PLCB4: variants seen among roughly 807,000 people sequenced by gnomAD.
PLCB4 encodes the protein 1-phosphatidylinositol 4,5-bisphosphate phosphodiesterase beta-4.
PLCB4 carries 77 observed loss-of-function variants against 178.8 expected under a neutral mutation model. The ratio of observed to expected loss-of-function variants is 0.43; its 90% CI spans 0.36 to 0.52. The LOEUF (loss-of-function observed/expected upper bound fraction) is 0.52. Ranked by LOEUF, PLCB4 falls within the 20% of genes least tolerant of loss-of-function variation. PLCB4 has a pLI of 0.00. For missense variants in PLCB4, 1,024 were observed against 1,453.4 expected, an observed-to-expected ratio of 0.70 and a Z score of 4.80; for synonymous variants, 496 against 490.8, an observed-to-expected ratio of 1.01 and a Z score of -0.14.
chr20:9,410,948 C>A (rs2039813599), intron 24 of PLCB4, 89 bp from the exon 25 acceptor site: 10 of 870,362 alleles, frequency 1.1e-5, no homozygotes, highest in Non-Finnish European at 1.7e-5. Flanking sequence ...GGCCTAGGAG[C>A]AATCTGATAC....
intron 36 of PLCB4, among the ~76,000 whole-genome samples, chr20:9,472,477 G>T (rs1278470304): frequency 1.3e-5 from 2 of 152,154 alleles, no homozygotes; most frequent in Admixed American, 6.5e-5. Flanking sequence ...TGGGGAGAGA[G>T]GAATAAGGAA....
intron 4 of PLCB4, among the ~76,000 whole-genome samples, chr20:9,329,395 A>G (rs1325434668): frequency 6.6e-6 from 1 of 152,174 alleles, no homozygotes; most frequent in Non-Finnish European, 1.5e-5. Flanking sequence ...TACCTCCCTC[A>G]TAGGAATGTT....
At chr20:9,295,474 A>G (rs2094623317) in intron 3 of PLCB4, among the ~76,000 whole-genome samples, 1 of 152,162 alleles carries the variant, frequency 6.6e-6, no homozygotes. Flanking sequence ...AGGGCTGATG[A>G]TAACTCTGTT....
intron 3 of PLCB4, among the ~76,000 whole-genome samples, chr20:9,281,496 A>G (rs1000899372): frequency 3.9e-5 from 6 of 152,040 alleles, no homozygotes; most frequent in Non-Finnish European, 1.5e-5. Flanking sequence ...TGATGGAATG[A>G]AAACACTCCA....
chr20:9,286,083 C>T (rs1431480771), intron 3 of PLCB4, among the ~76,000 whole-genome samples: 1 of 151,926 alleles, frequency 6.6e-6, no homozygotes, highest in African/African-American at 2.4e-5. Flanking sequence ...ACATGGAGTG[C>T]ACTTTACCAT....
chr20:9,224,940 T>G (rs927436093), intron 3 of PLCB4, among the ~76,000 whole-genome samples: 1 of 152,230 alleles, frequency 6.6e-6, no homozygotes, highest in Non-Finnish European at 1.5e-5. Context: ...GAGCATTGAC[T>G]TGCTTTCTTT....
At chr20:9,324,514 AAT>A (rs1288237978) in intron 4 of PLCB4, among the ~76,000 whole-genome samples, 1 of 152,166 alleles carries the variant, frequency 6.6e-6, no homozygotes, top group African/African-American at 2.4e-5. Context: ...TAATATGAAA[AAT>A]ACAATCTTCC....
At chr20:9,400,479 A>G (rs2038941507) in intron 19 of PLCB4, among the ~76,000 whole-genome samples, 1 of 152,182 alleles carries the variant, frequency 6.6e-6, no homozygotes, top group Non-Finnish European at 1.5e-5. Context: ...TGCTTTAAAA[A>G]AATCTATCTC....
At chr20:9,434,406 C>T (rs997428368) in intron 28 of PLCB4, among the ~76,000 whole-genome samples, 3 of 152,098 alleles carry the variant, frequency 2.0e-5, no homozygotes, top group Non-Finnish European at 4.4e-5. Context: ...GACGGAGTCT[C>T]ACTCTGTCAC....
intron 3 of PLCB4, among the ~76,000 whole-genome samples, chr20:9,254,091 C>T (rs2094209005): frequency 6.6e-6 from 1 of 152,146 alleles, no homozygotes; most frequent in South Asian, 2.1e-4. Flanking sequence ...GGTAGAGAAG[C>T]TTCTGTGCAG....
chr20:9,251,523 C>T (rs564741929), intron 3 of PLCB4, among the ~76,000 whole-genome samples: 2 of 152,262 alleles, frequency 1.3e-5, no homozygotes, highest in Admixed American at 6.5e-5. Flanking sequence ...ATGCTTGTCT[C>T]CTCATGGTGG....
intron 3 of PLCB4, among the ~76,000 whole-genome samples, chr20:9,294,123 G>A (rs1475581674): frequency 1.3e-5 from 2 of 152,098 alleles, no homozygotes; most frequent in Non-Finnish European, 2.9e-5. Flanking sequence ...GGAATTTGCT[G>A]GTTGACTCTT....
rs199973230 is a variant in PLCB4, at chr20:9,457,430, G to A, written c.3013G>A (p.Glu1005Lys). ...MKKKGGSNCL[E>K]MKKETEIKIQ... is the part of the protein sequence containing the mutation. Reference sequence around the variant, plus strand: ...CATTTTCAGGGGAAGTAATTGTCTCGAAATGAAAAAAGAAACAGAAATCAA... The same window carrying A: ...CATTTTCAGGGGAAGTAATTGTCTCAAAATGAAAAAAGAAACAGAAATCAA... The change falls in exon 34 of 40, where the codon GAA (glutamate) becomes AAA (lysine). Residue 1005 changes from glutamate (E) to lysine (K), a missense_variant. Glu to Lys is a moderately conservative substitution (Grantham distance 56, BLOSUM62 1). This residue lies in a region of PLCB4 where 264 missense variants were observed against 283.2 expected (regional missense o/e 0.93). Coordinates refer to ENST00000378473, the MANE Select transcript of PLCB4 (RefSeq NM_001377142.1). 9.8e-5 allele frequency: 151 copies of A among 1,542,876 alleles called. 3 individuals are homozygous for A. Among genetic ancestry groups the A allele is most frequent in the South Asian group, 5.8e-4 (52 of 89,570 alleles).
intron 4 of PLCB4, among the ~76,000 whole-genome samples, chr20:9,314,709 G>A (rs2094878802): frequency 6.6e-6 from 1 of 152,044 alleles, no homozygotes; most frequent in Non-Finnish European, 1.5e-5. Context: ...TGATCCAAGA[G>A]GATGAACACA....
intron 7 of PLCB4, among the ~76,000 whole-genome samples, chr20:9,345,418 G>T (rs1398781310): frequency 6.6e-6 from 1 of 152,096 alleles, no homozygotes; most frequent in Non-Finnish European, 1.5e-5. Context: ...AATACAACTA[G>T]CTTGGAAGGA....
At chr20:9,184,788 G>A (rs1442487878) in intron 2 of PLCB4, among the ~76,000 whole-genome samples, 1 of 152,100 alleles carries the variant, frequency 6.6e-6, no homozygotes, top group African/African-American at 2.4e-5. Flanking sequence ...AATCTTGACA[G>A]TTGTACATTC....
rs546499750 is a variant in PLCB4 at position 9,172,904 on chromosome 20, T to C, written c.-78-44486T>C. 3.9e-5 allele frequency among the ~76,000 whole-genome samples: 6 copies of C among 152,354 alleles called. No individual in the cohort carries two copies. The South Asian group carries it at 1.2e-3, about 32-fold the overall frequency. On this transcript the variant is annotated intron_variant, in intron 2 of 39. Coordinates refer to ENST00000378473, the MANE Select transcript of PLCB4 (RefSeq NM_001377142.1). ...TTTGGCACTTTAATAATTCCTGTTA[T>C]CTGCAAAGAGCAAATTGTTTTTCTG...
chr20:9,117,362 G>C (rs1456340848), intron 2 of PLCB4, among the ~76,000 whole-genome samples: 1 of 152,098 alleles, frequency 6.6e-6, no homozygotes, highest in East Asian at 1.9e-4. Context: ...TTGCTTTGTA[G>C]AAAGCTTTAA....
chr20:9,228,695 T>C (rs1005072343), intron 3 of PLCB4, among the ~76,000 whole-genome samples: 2 of 152,210 alleles, frequency 1.3e-5, no homozygotes, highest in African/African-American at 2.4e-5. Context: ...TATGTGTATA[T>C]GTATTAGACA....
Sources: allele counts gnomAD v4.1 joint callset (sites outside exome capture counted in the v4.1 genomes callset), GRCh38; gene constraint gnomAD v4.1.1; regional missense constraint gnomAD v4.1.1; transcripts MANE v1.5; gene names NCBI Gene and HGNC (gene_info 2026-07-23, HGNC 2026-07-21).